The following LRRTM4 variants were observed in gnomAD, a reference collection of about 807,000 sequenced individuals.
The protein encoded by LRRTM4 is leucine rich repeat transmembrane neuronal 4, also known as leucine-rich repeat transmembrane neuronal protein 4.
A neutral mutation model predicts 47.6 loss-of-function variants in LRRTM4; 25 were observed. That is an observed-to-expected ratio of 0.53 (90% confidence interval 0.38 to 0.73). The LOEUF (loss-of-function observed/expected upper bound fraction) is 0.73, where lower values mean the gene tolerates loss of function less well. Among genes scored for constraint, LRRTM4 ranks in the 30% least tolerant of loss-of-function variants. The probability of loss-of-function intolerance (pLI) is 0.00; values close to 1 mark genes in which losing one functional copy is unlikely to be tolerated. For missense variants in LRRTM4, 638 were observed against 713.4 expected (o/e 0.89, Z 1.20); for synonymous variants, 311 against 269.5 (o/e 1.15, Z -1.51).
At chr2:77,131,686 A>G (rs78288274) in intron 3 of LRRTM4, among the ~76,000 whole-genome samples, 3,793 of 152,224 alleles carry the variant, frequency 0.025, 71 homozygotes, top group Admixed American at 0.06. Context: ...GGCTCAGGAC[A>G]ATGGGGAAGA....
chr2:76,970,558 A>G (rs1676184540), intron 3 of LRRTM4, among the ~76,000 whole-genome samples: 1 of 152,040 alleles, frequency 6.6e-6, no homozygotes, highest in South Asian at 2.1e-4. Flanking sequence ...AATATTGTAG[A>G]ATAACTGTTG....
intron 3 of LRRTM4, among the ~76,000 whole-genome samples, chr2:76,917,705 A>C (rs1674301438): frequency 1.3e-5 from 2 of 152,190 alleles, no homozygotes; most frequent in African/African-American, 4.8e-5. Context: ...AGGAAAAAGA[A>C]GAAATGAGAA....
In LRRTM4 at chr2:77,107,227, A is replaced by C. The variant is rs568254163; in HGVS notation, c.1552-358311T>G. Among the ~76,000 whole-genome samples the C allele has an allele frequency of 4.0e-5, 6 of 150,076 alleles. No homozygotes were observed. The South Asian group carries it at 1.3e-3, about 32-fold the overall frequency. On this transcript the variant is annotated intron_variant, in intron 3 of 3. Transcript: ENST00000409884. ...TAATGTAGATATTAACACATAATGT[A>C]GCAACATTAAAAAGAAAACACATTT...
chr2:76,852,381 C>T (rs1672023753), intron 3 of LRRTM4, among the ~76,000 whole-genome samples: 1 of 152,104 alleles, frequency 6.6e-6, no homozygotes, highest in South Asian at 2.1e-4. Context: ...TTCTGTAATT[C>T]TTTTCTGACT....
intron 3 of LRRTM4, among the ~76,000 whole-genome samples, chr2:77,283,872 T>C (rs950602288): frequency 2.6e-5 from 4 of 152,118 alleles, no homozygotes; most frequent in South Asian, 2.1e-4. Flanking sequence ...TATTGATCAT[T>C]ATGCTTAGTA....
intron 3 of LRRTM4, among the ~76,000 whole-genome samples, chr2:77,297,679 C>G (rs1677011178): frequency 6.6e-6 from 1 of 152,170 alleles, no homozygotes; most frequent in South Asian, 2.1e-4. Flanking sequence ...TCTATGCTGT[C>G]CCTATGGCAG....
At chr2:77,011,248 A>G (rs931426428) in intron 3 of LRRTM4, among the ~76,000 whole-genome samples, 1 of 152,164 alleles carries the variant, frequency 6.6e-6, no homozygotes, top group Non-Finnish European at 1.5e-5. Flanking sequence ...TATCAATGAG[A>G]TCATTTACAT....
intron 3 of LRRTM4, among the ~76,000 whole-genome samples, chr2:77,388,685 A>G (rs1319406417): frequency 1.3e-5 from 2 of 151,938 alleles, no homozygotes; most frequent in Non-Finnish European, 2.9e-5. Flanking sequence ...TGATATTTTG[A>G]TCTTAGCTGG....
intron 3 of LRRTM4, among the ~76,000 whole-genome samples, chr2:77,200,971 C>G (rs1479646983): frequency 6.6e-6 from 1 of 152,084 alleles, no homozygotes; most frequent in African/African-American, 2.4e-5. Context: ...GAATAGAAAA[C>G]CTGCGGCAAA....
At chr2:77,130,786 C>T (rs1297749074) in intron 3 of LRRTM4, among the ~76,000 whole-genome samples, 1 of 138,618 alleles carries the variant, frequency 7.2e-6, no homozygotes, top group Non-Finnish European at 1.5e-5. Flanking sequence ...GCTGGGATTA[C>T]AAGTGTGAGC....
At chr2:76,911,947 G>T (rs1488530265) in intron 3 of LRRTM4, among the ~76,000 whole-genome samples, 5 of 138,152 alleles carry the variant, frequency 3.6e-5, no homozygotes, top group African/African-American at 1.1e-4. Flanking sequence ...GGGGGGGGGG[G>T]GGGACAGAGT....
rs1201085493 is a variant in LRRTM4, at chr2:76,974,193, T to TAC, written c.1552-225278_1552-225277insGT. Among the ~76,000 whole-genome samples, 88 of 119,578 alleles carry TAC rather than the reference T, an allele frequency of 7.4e-4. 1 individual carries two copies. Among genetic ancestry groups the TAC allele is most frequent in the African/African-American group, 3.5e-3 (87 of 24,570 alleles). The allele number at this position is 119,578 out of a possible 152,430, so 78.4% of individuals were successfully genotyped here. A position where few individuals can be genotyped will look rare whatever the true frequency, so the allele number is the denominator to read the frequency against. On this transcript the variant is annotated intron_variant, in intron 3 of 3. Coordinates refer to ENST00000409884, the MANE Select transcript of LRRTM4 (RefSeq NM_001134745.3). ...ACATACATATATATACATACATATA[T>TAC]ATACATATATATATATACACATATA... is the stretch of plus-strand genomic sequence containing the variant.
intron 3 of LRRTM4, among the ~76,000 whole-genome samples, chr2:76,910,983 C>T (rs1345280583): frequency 6.6e-6 from 1 of 152,152 alleles, no homozygotes; most frequent in African/African-American, 2.4e-5. Context: ...ATGTGGATTG[C>T]TGAACACTAA....
intron 3 of LRRTM4, among the ~76,000 whole-genome samples, chr2:76,857,396 T>C (rs1453585223): frequency 1.3e-5 from 2 of 150,890 alleles, no homozygotes; most frequent in African/African-American, 4.9e-5. Flanking sequence ...ATATGAGATA[T>C]AGAAGATACA....
chr2:77,100,054 C>G (rs1175594097), intron 3 of LRRTM4, among the ~76,000 whole-genome samples: 1 of 151,982 alleles, frequency 6.6e-6, no homozygotes, highest in Non-Finnish European at 1.5e-5. Context: ...TTGGTGTCCT[C>G]TTGGTCCTTT....
At chr2:77,327,123 C>A (rs1342689800) in intron 3 of LRRTM4, among the ~76,000 whole-genome samples, 1 of 152,128 alleles carries the variant, frequency 6.6e-6, no homozygotes, top group African/African-American at 2.4e-5. Flanking sequence ...AGTAGGATAG[C>A]TCTTCACTTG....
intron 3 of LRRTM4, among the ~76,000 whole-genome samples, chr2:77,151,759 T>C (rs552309811): frequency 3.3e-5 from 5 of 151,654 alleles, no homozygotes; most frequent in Admixed American, 3.3e-4. Flanking sequence ...GCATTGTGTG[T>C]AAGTTTAGGG....
chr2:77,474,491 C>T (rs1290433706), intron 3 of LRRTM4, among the ~76,000 whole-genome samples: 2 of 151,852 alleles, frequency 1.3e-5, no homozygotes, highest in Non-Finnish European at 2.9e-5. Flanking sequence ...GTGGTTACAG[C>T]AATGTCAAGA....
At chr2:77,148,502 C>G (rs1672333577) in intron 3 of LRRTM4, among the ~76,000 whole-genome samples, 1 of 152,080 alleles carries the variant, frequency 6.6e-6, no homozygotes, top group Admixed American at 6.6e-5. Flanking sequence ...AGCCAATTTA[C>G]TTTTATATAT....
Sources: allele counts gnomAD v4.1 joint callset (sites outside exome capture counted in the v4.1 genomes callset), GRCh38; gene constraint gnomAD v4.1.1; transcripts MANE v1.5; gene names NCBI Gene and HGNC (gene_info 2026-07-23, HGNC 2026-07-21).